SLF1: variants seen among roughly 807,000 people sequenced by gnomAD.
SLF1 encodes the protein SMC5/6 complex localization factor 1.
A neutral mutation model predicts 123.0 loss-of-function variants in SLF1; 105 were observed. The ratio of observed to expected loss-of-function variants is 0.85; its 90% CI spans 0.73 to 1.00. The LOEUF (loss-of-function observed/expected upper bound fraction) is 1.00. Among genes scored for constraint, SLF1 ranks in the 50% least tolerant of loss-of-function variants. SLF1 has a pLI of 0.00. For synonymous variants in SLF1, 434 were observed against 406.6 expected (o/e 1.07, Z -0.81); for missense variants, 1,239 against 1,223.0 (o/e 1.01, Z -0.20).
intron 4 of SLF1, among the ~76,000 whole-genome samples, chr5:94,642,005 G>A (rs1194827700): frequency 6.6e-6 from 1 of 152,186 alleles, no homozygotes; most frequent in East Asian, 1.9e-4. Flanking sequence ...CGGAAACAGT[G>A]GGTATTTTTC....
intron 18 of SLF1, among the ~76,000 whole-genome samples, chr5:94,690,319 T>C (rs1752928361): frequency 6.6e-6 from 1 of 152,160 alleles, no homozygotes; most frequent in Non-Finnish European, 1.5e-5. Flanking sequence ...ATGACACCCA[T>C]GGAAATAGTG....
At chr5:94,626,679 T>C (rs547803592) in intron 1 of SLF1, among the ~76,000 whole-genome samples, 1 of 152,362 alleles carries the variant, frequency 6.6e-6, no homozygotes, top group Admixed American at 6.5e-5. Flanking sequence ...AAGAAGGAGA[T>C]AGTTTTGATA....
intron 5 of SLF1, among the ~76,000 whole-genome samples, chr5:94,646,139 A>G (rs948044644): frequency 1.3e-5 from 2 of 152,074 alleles, no homozygotes; most frequent in African/African-American, 4.8e-5. Flanking sequence ...AGTTCTAGCT[A>G]CTCTTAAGCT....
intron 14 of SLF1, among the ~76,000 whole-genome samples, chr5:94,673,946 G>GT (rs1267435824): frequency 5.9e-5 from 9 of 151,874 alleles, no homozygotes; most frequent in African/African-American, 2.2e-4. Context: ...AGTAGACACT[G>GT]TTTTGTGCAT....
chr5:94,684,494 T>C (rs564158079), intron 15 of SLF1, among the ~76,000 whole-genome samples: 162 of 151,862 alleles, frequency 1.1e-3, no homozygotes, highest in African/African-American at 1.9e-3. Context: ...GTCAGGAGAT[T>C]GAGACCATCC....
chr5:94,627,698 A>G (rs982892235), intron 1 of SLF1, among the ~76,000 whole-genome samples: 1 of 148,680 alleles, frequency 6.7e-6, no homozygotes, highest in Non-Finnish European at 1.5e-5. Flanking sequence ...CTGTGAGACC[A>G]TGAGTTCTAT....
At chr5:94,637,078 T>C (rs1330625484) in intron 4 of SLF1, among the ~76,000 whole-genome samples, 1 of 152,200 alleles carries the variant, frequency 6.6e-6, no homozygotes, top group Non-Finnish European at 1.5e-5. Context: ...TAGCTCTCCA[T>C]TCCTTTAGGG....
chr5:94,682,017 CAT>C (rs1491108286), intron 15 of SLF1, among the ~76,000 whole-genome samples: 3 of 151,936 alleles, frequency 2.0e-5, no homozygotes, highest in African/African-American at 4.8e-5. Flanking sequence ...CGTGTGTGTG[CAT>C]GTGTGTGTGT....
Position 94,653,252 on chromosome 5 carries a change from T to G in SLF1, c.883-20T>G. ...TATGTCATTGATGTTGAGATTTAAT[T>G]GTGGTCTAAATACATGTAGAAGGAA... On this transcript the variant is annotated intron_variant, in intron 7 of 20. Transcript: ENST00000265140. The G allele has an allele frequency of 6.7e-7, 1 of 1,495,562 alleles. No individual in the cohort carries two copies. Among genetic ancestry groups the G allele is most frequent in the Non-Finnish European group, 8.9e-7 (1 of 1,119,616 alleles). 92.6% of individuals were successfully genotyped at this position (1,495,562 alleles called of 1,614,324 possible).
rs779429644 is a variant in SLF1, at chr5:94,688,633, C to T, written c.2249C>T (p.Thr750Ile). The T allele has an allele frequency of 1.2e-6, 2 of 1,613,954 alleles. No homozygotes were observed. Among genetic ancestry groups the T allele is most frequent in the Admixed American group, 3.3e-5 (2 of 60,004 alleles). Residue 750 changes from threonine (T) to isoleucine (I), a missense_variant, in exon 17 of 21, where the codon ACT becomes ATT. Thr to Ile is a moderately conservative substitution (Grantham distance 89). Transcript: ENST00000265140. Reference sequence around the variant, plus strand: ...AGAACCTTACTAATGCTGAATGGTACTAAACAAAAACAAGTCGAAGGGCTG... The same window carrying T: ...AGAACCTTACTAATGCTGAATGGTATTAAACAAAAACAAGTCGAAGGGCTG... ...SQRTLLMLNG[T>I]KQKQVEGLPE...
intron 12 of SLF1, among the ~76,000 whole-genome samples, chr5:94,668,416 C>G (rs1585190861): frequency 1.3e-5 from 2 of 152,158 alleles, no homozygotes; most frequent in Admixed American, 6.5e-5. Flanking sequence ...TCACTGCAAC[C>G]TCCGCCTCGC....
intron 12 of SLF1, 114 bp downstream of exon 12, chr5:94,666,138 G>A: frequency 9.5e-7 from 1 of 1,047,166 alleles, no homozygotes; most frequent in Non-Finnish European, 1.3e-6. Context: ...AAGTTTTGTT[G>A]CAAATACAAA....
intron 15 of SLF1, among the ~76,000 whole-genome samples, chr5:94,680,555 AT>A (rs1751648536): frequency 6.6e-6 from 1 of 152,188 alleles, no homozygotes; most frequent in African/African-American, 2.4e-5. Flanking sequence ...TCATTCCTTA[AT>A]GAAATTTGAG....
At chr5:94,683,862 A>C in intron 15 of SLF1, among the ~76,000 whole-genome samples, 1 of 152,230 alleles carries the variant, frequency 6.6e-6, no homozygotes, top group Non-Finnish European at 1.5e-5. Context: ...CTGTTCATTC[A>C]TTCATCTGTC....
chr5:94,666,293 A>G (rs1033724319), intron 12 of SLF1, among the ~76,000 whole-genome samples: 12 of 152,218 alleles, frequency 7.9e-5, no homozygotes, highest in Admixed American at 6.5e-4. Context: ...AACAAAATAG[A>G]AATTTGTGTA....
chr5:94,648,606 C>T (rs1453705449), intron 5 of SLF1, among the ~76,000 whole-genome samples: 9 of 152,164 alleles, frequency 5.9e-5, no homozygotes, highest in Admixed American at 4.6e-4. Context: ...CTCGGCCTCC[C>T]GAGTAGCTGA....
At chr5:94,620,931 C>G (rs112262634) in intron 1 of SLF1, among the ~76,000 whole-genome samples, 30 of 152,196 alleles carry the variant, frequency 2.0e-4, no homozygotes, top group African/African-American at 6.3e-4. Context: ...ATGAATCACT[C>G]TAATGATTGA....
chr5:94,633,130 G>A (rs116010758), intron 4 of SLF1, among the ~76,000 whole-genome samples: 3,454 of 152,192 alleles, frequency 0.023, 70 homozygotes, highest in Non-Finnish European at 0.033. Flanking sequence ...TGGGACCACA[G>A]GCATATGCCA....
Position 94,691,654 on chromosome 5 carries a change from A to G in SLF1, c.2510A>G (p.Lys837Arg), listed in dbSNP as rs1340718959. The change falls in exon 19 of 21, where the codon AAA (lysine) becomes AGA (arginine). Residue 837 changes from lysine to arginine, a missense_variant and splice_region_variant. By Grantham distance (26) the Lys-to-Arg change is conservative. Coordinates refer to ENST00000265140, the MANE Select transcript of SLF1 (RefSeq NM_032290.4). ...LSLPGIDINVKDNAGWTPLHE... is the reference protein window; with the variant it reads ...LSLPGIDINVRDNAGWTPLHE... ...TTGCCAGGAATAGACATCAATGTTAAAGGTAAGTTTTAAATCTTTGTGGTC... is the reference window on the plus strand; with the variant it reads ...TTGCCAGGAATAGACATCAATGTTAGAGGTAAGTTTTAAATCTTTGTGGTC... 12 of 1,604,562 alleles carry G rather than the reference A, an allele frequency of 7.5e-6. No individual in the cohort carries two copies. Among genetic ancestry groups the G allele is most frequent in the Non-Finnish European group, 1.0e-5 (12 of 1,176,038 alleles).
Sources: allele counts gnomAD v4.1 joint callset (sites outside exome capture counted in the v4.1 genomes callset), GRCh38; gene constraint gnomAD v4.1.1; transcripts MANE v1.5; gene names NCBI Gene and HGNC (gene_info 2026-07-23, HGNC 2026-07-21).